CNOT2: variants seen among roughly 807,000 people sequenced by gnomAD.
CNOT2 encodes the protein CCR4-NOT transcription complex subunit 2.
Under a neutral mutation model 72.1 loss-of-function variants are expected in CNOT2, and 7 were observed. The ratio of observed to expected loss-of-function variants is 0.10; its 90% confidence interval spans 0.06 to 0.18. The LOEUF is 0.18. Among genes scored for constraint, CNOT2 ranks in the 10% least tolerant of loss-of-function variants. The pLI is 1.00. For synonymous variants in CNOT2, 196 were observed against 225.6 expected (o/e 0.87, Z 1.17); for missense variants, 345 against 660.3 (o/e 0.52, Z 5.23).
chr12:70,351,622 A>G (rs143429546), intron 15 of CNOT2, among the ~76,000 whole-genome samples: 1 of 152,364 alleles, frequency 6.6e-6, no homozygotes, highest in African/African-American at 2.4e-5. Context: ...CTAGTCATAC[A>G]TTGTAGTTCA....
chr12:70,253,325 A>G (rs555123210), intron 1 of CNOT2, among the ~76,000 whole-genome samples: 1 of 152,166 alleles, frequency 6.6e-6, no homozygotes, highest in East Asian at 1.9e-4. Context: ...CCTTAAGTGT[A>G]TTTAGTAGGT....
chr12:70,317,701 A>ACC (rs1877599767), intron 3 of CNOT2, among the ~76,000 whole-genome samples: 2 of 145,828 alleles, frequency 1.4e-5, no homozygotes, highest in Non-Finnish European at 3.0e-5. Flanking sequence ...ACTCAGCCCT[A>ACC]CCTCAAGAGT....
chr12:70,317,509 T>C (rs1395399155), intron 3 of CNOT2, among the ~76,000 whole-genome samples: 7 of 151,884 alleles, frequency 4.6e-5, no homozygotes, highest in Non-Finnish European at 4.4e-5. Flanking sequence ...TGGGTTATAA[T>C]TGGGAAAGAA....
At chr12:70,286,179 A>G (rs978931076) in intron 2 of CNOT2, among the ~76,000 whole-genome samples, 1 of 148,522 alleles carries the variant, frequency 6.7e-6, no homozygotes, top group Non-Finnish European at 1.5e-5. Context: ...ATCTGAACAA[A>G]GCAGTATTCT....
chr12:70,338,626 T>C (rs1881028211), intron 10 of CNOT2, 40 bp from the exon 11 acceptor site: 1 of 1,596,192 alleles, frequency 6.3e-7, no homozygotes, highest in Admixed American at 1.8e-5. Flanking sequence ...TTTTTTAACT[T>C]TTTCTTGAAA....
At chr12:70,296,408 G>A (rs80037325) in intron 2 of CNOT2, among the ~76,000 whole-genome samples, 42,900 of 151,738 alleles carry the variant, frequency 0.28, 6,345 homozygotes, top group Admixed American at 0.44. Flanking sequence ...GGTATTCATT[G>A]AGGCCTTTTT....
At chr12:70,250,066 G>A (rs1362046439) in intron 1 of CNOT2, among the ~76,000 whole-genome samples, 1 of 152,152 alleles carries the variant, frequency 6.6e-6, no homozygotes, top group African/African-American at 2.4e-5. Flanking sequence ...ATCTGAGATA[G>A]TCTTTAAAGT....
chr12:70,330,569 AAT>A, intron 6 of CNOT2, 100 bp downstream of exon 6: 1 of 679,196 alleles, frequency 1.5e-6, no homozygotes, highest in African/African-American at 1.8e-5. Flanking sequence ...GCTTCTCTCT[AAT>A]AAGTGTGTTT....
At position 70,329,578 on chromosome 12, in the gene CNOT2, T is replaced by C. The variant is rs1334920915; in HGVS notation, c.386+8T>C. On this transcript the variant is annotated splice_region_variant and intron_variant, in intron 5 of 15. Coordinates refer to ENST00000229195, the MANE Select transcript of CNOT2 (RefSeq NM_014515.7). ...GCCTCCATCTCCAAGCAGGTATTTATTGATGGACCAGAATATTTTTCAAAA... is the reference window on the plus strand; with the variant it reads ...GCCTCCATCTCCAAGCAGGTATTTACTGATGGACCAGAATATTTTTCAAAA... The C allele has an allele frequency of 9.4e-6, 15 of 1,592,984 alleles. No individual in the cohort carries two copies. Among genetic ancestry groups the C allele is most frequent in the Non-Finnish European group, 1.3e-5 (15 of 1,161,368 alleles).
At chr12:70,351,247 A>G (rs1196852436) in intron 15 of CNOT2, among the ~76,000 whole-genome samples, 1 of 152,122 alleles carries the variant, frequency 6.6e-6, no homozygotes, top group Non-Finnish European at 1.5e-5. Context: ...TATTAATTAC[A>G]CATCCATTAG....
At chr12:70,339,091 T>TACAC (rs1555205817) in intron 11 of CNOT2, among the ~76,000 whole-genome samples, 1,527 of 138,342 alleles carry the variant, frequency 0.011, 27 homozygotes, top group African/African-American at 0.035. Flanking sequence ...TATATATATA[T>TACAC]ACACACACAC....
At chr12:70,275,411 A>T (rs549726117) in intron 1 of CNOT2, among the ~76,000 whole-genome samples, 33 of 152,146 alleles carry the variant, frequency 2.2e-4, no homozygotes, top group South Asian at 4.1e-4. Context: ...AAATATATTT[A>T]AAAAATTTAG....
intron 9 of CNOT2, 129 bp from the exon 10 acceptor site, chr12:70,338,314 T>G (rs762801040): frequency 2.4e-4 from 184 of 758,546 alleles, no homozygotes; most frequent in Non-Finnish European, 3.5e-4. Context: ...CTATAGAACT[T>G]GAAAAACAGG....
At chr12:70,251,547 G>GA (rs34229489) in intron 1 of CNOT2, among the ~76,000 whole-genome samples, 31 of 151,738 alleles carry the variant, frequency 2.0e-4, no homozygotes, top group Non-Finnish European at 3.7e-4. Flanking sequence ...ATTAGGAGGG[G>GA]AAAAAAAAGC....
At chr12:70,283,861 T>C (rs1348635472) in intron 2 of CNOT2, among the ~76,000 whole-genome samples, 1 of 151,930 alleles carries the variant, frequency 6.6e-6, no homozygotes, top group Non-Finnish European at 1.5e-5. Context: ...ACATTTTTGA[T>C]TGTGAAAGCT....
At chr12:70,246,510 T>G (rs1486334411) in intron 1 of CNOT2, among the ~76,000 whole-genome samples, 1 of 152,120 alleles carries the variant, frequency 6.6e-6, no homozygotes. Context: ...ACAGTGTTAA[T>G]CAAGAGATCT....
At chr12:70,337,231 C>T in intron 8 of CNOT2, 158 bp from the exon 9 acceptor site, 1 of 522,812 alleles carries the variant, frequency 1.9e-6, no homozygotes. Context: ...TTTAGTTCTT[C>T]ATTGTTACCC....
intron 1 of CNOT2, among the ~76,000 whole-genome samples, chr12:70,248,866 A>G (rs991305671): frequency 6.6e-6 from 1 of 152,064 alleles, no homozygotes; most frequent in Non-Finnish European, 1.5e-5. Context: ...CTGAATGGAA[A>G]TGTCTTTCCT....
intron 1 of CNOT2, among the ~76,000 whole-genome samples, chr12:70,246,206 A>G (rs1010517208): frequency 1.3e-5 from 2 of 152,198 alleles, no homozygotes; most frequent in Non-Finnish European, 2.9e-5. Flanking sequence ...AGTGGTAAAT[A>G]ATAGCTTTTT....
Sources: gnomAD v4.1 joint callset for allele counts (sites outside exome capture counted in the v4.1 genomes callset) on GRCh38, gnomAD v4.1.1 for gene constraint, MANE v1.5 for transcripts, NCBI Gene and HGNC (gene_info 2026-07-23, HGNC 2026-07-21) for gene names.